Variants in XRCC4 observed in about 807,000 individuals in gnomAD.
The protein encoded by XRCC4 is DNA repair protein XRCC4.
XRCC4 carries 28 observed loss-of-function variants against 39.1 expected under a neutral mutation model. That is an observed-to-expected ratio of 0.72 (90% CI 0.53 to 0.98). XRCC4 has a LOEUF of 0.98. XRCC4 is among the 50% of genes least tolerant of loss of function. The pLI is 0.00. For synonymous variants in XRCC4, 123 were observed against 126.4 expected, an observed-to-expected ratio of 0.97 and a Z score of 0.18; for missense variants, 350 against 376.4, an observed-to-expected ratio of 0.93 and a Z score of 0.58.
chr5:83,355,108 A>G (rs1369088660), downstream of XRCC4, among the ~76,000 whole-genome samples: 2 of 152,048 alleles, frequency 1.3e-5, no homozygotes, highest in African/African-American at 4.8e-5. Context: ...TTGCCTCTCA[A>G]GTAGGCCAGA....
At chr5:83,154,520 A>G (rs1225541474) in intron 3 of XRCC4, among the ~76,000 whole-genome samples, 2 of 152,160 alleles carry the variant, frequency 1.3e-5, no homozygotes, top group African/African-American at 2.4e-5. Flanking sequence ...AGGGATATGC[A>G]ATTTGTATAA....
At chr5:83,374,125 C>T in the XRCC4 span, among the ~76,000 whole-genome samples, 1 of 152,122 alleles carries the variant, frequency 6.6e-6, no homozygotes, top group Non-Finnish European at 1.5e-5. Context: ...TAAGAGGACC[C>T]AGAAGAGGTT....
chr5:83,255,582 G>A (rs59699159), intron 6 of XRCC4, among the ~76,000 whole-genome samples: 9,941 of 152,100 alleles, frequency 0.065, 1,051 homozygotes, highest in African/African-American at 0.22. Context: ...GAGAACATTA[G>A]ACACTTCTCC....
chr5:83,322,133 G>T (rs1356079623), intron 7 of XRCC4, among the ~76,000 whole-genome samples: 1 of 151,666 alleles, frequency 6.6e-6, no homozygotes, highest in Non-Finnish European at 1.5e-5. Flanking sequence ...CTTGTAAATT[G>T]TGTTATCTGA....
intron 6 of XRCC4, among the ~76,000 whole-genome samples, chr5:83,252,395 T>C (rs1753355118): frequency 1.3e-5 from 2 of 151,978 alleles, no homozygotes. Context: ...TACTCTGTGT[T>C]CATAATAGAT....
intron 3 of XRCC4, among the ~76,000 whole-genome samples, chr5:83,146,347 A>G (rs1008037798): frequency 3.3e-5 from 5 of 152,150 alleles, no homozygotes; most frequent in Non-Finnish European, 1.5e-5. Context: ...TCAGGGAAAA[A>G]ACAAGTAATA....
chr5:83,148,418 A>T (rs936532902), intron 3 of XRCC4, among the ~76,000 whole-genome samples: 2 of 152,138 alleles, frequency 1.3e-5, no homozygotes, highest in Non-Finnish European at 2.9e-5. Context: ...CTTCAGTTAA[A>T]TTGTTTATGA....
intron 7 of XRCC4, among the ~76,000 whole-genome samples, chr5:83,347,514 C>G (rs181074175): frequency 1.8e-4 from 27 of 152,206 alleles, no homozygotes; most frequent in Non-Finnish European, 3.5e-4. Context: ...CACTTTTAAA[C>G]AATGAGATCT....
intron 3 of XRCC4, among the ~76,000 whole-genome samples, chr5:83,149,083 T>C (rs1475735229): frequency 6.6e-6 from 1 of 152,184 alleles, no homozygotes; most frequent in African/African-American, 2.4e-5. Context: ...GCTTTAATTA[T>C]CAAATAAATC....
At chr5:83,285,537 A>T (rs1226594599) in intron 7 of XRCC4, among the ~76,000 whole-genome samples, 1 of 152,154 alleles carries the variant, frequency 6.6e-6, no homozygotes, top group Non-Finnish European at 1.5e-5. Context: ...TGGAATCCCT[A>T]TGTAATTATT....
At chr5:83,288,046 G>A (rs1309699592) in intron 7 of XRCC4, among the ~76,000 whole-genome samples, 1 of 151,844 alleles carries the variant, frequency 6.6e-6, no homozygotes, top group Non-Finnish European at 1.5e-5. Flanking sequence ...ATGTTCAGAA[G>A]TATATTAATC....
chr5:83,143,206 GAATT>G lies in XRCC4; in HGVS notation c.315+32005_315+32008del, dbSNP rs1473889665. Among the ~76,000 whole-genome samples the G allele has an allele frequency of 3.3e-5, 5 of 152,236 alleles. No homozygotes were observed. The East Asian group carries it at 9.6e-4, about 29-fold the overall frequency. The stretch of plus-strand genomic sequence containing the variant: ...CTCCAGTGCTGTTTTGATATTTTGA[GAATT>G]AGTTTTGTTATTATTGTATTTTAAT... On this transcript the variant is annotated intron_variant, in intron 3 of 7. Coordinates refer to ENST00000396027, the MANE Select transcript of XRCC4 (RefSeq NM_003401.5).
intron 3 of XRCC4, among the ~76,000 whole-genome samples, chr5:83,156,218 G>A: frequency 6.6e-6 from 1 of 151,266 alleles, no homozygotes; most frequent in East Asian, 1.9e-4. Context: ...TACAATTCGT[G>A]TGCAGTTATT....
intron 7 of XRCC4, among the ~76,000 whole-genome samples, chr5:83,318,305 T>C (rs1471994248): frequency 7.7e-6 from 1 of 130,454 alleles, no homozygotes; most frequent in Non-Finnish European, 1.5e-5. Flanking sequence ...AAGACAGGGA[T>C]GCCCTCTCTC....
intron 7 of XRCC4, among the ~76,000 whole-genome samples, chr5:83,324,856 A>G (rs1580513617): frequency 6.6e-6 from 1 of 152,154 alleles, no homozygotes; most frequent in Non-Finnish European, 1.5e-5. Flanking sequence ...AAATTCAAGA[A>G]CAAAGCCACT....
chr5:83,113,977 A>G (rs546126481), intron 3 of XRCC4, among the ~76,000 whole-genome samples: 108 of 152,348 alleles, frequency 7.1e-4, no homozygotes, highest in Non-Finnish European at 1.2e-3. Context: ...CCAAACCTCA[A>G]TTCTTGGCTT....
rs1050700193 is a variant in XRCC4, at chr5:83,195,587, T to C, written c.316-183T>C. On this transcript the variant is annotated intron_variant, in intron 3 of 7. Transcript: ENST00000396027. Reference sequence around the variant, plus strand: ...TTGGGCTATATGTTGATTTATATGATCAAGTAAGAAACTTTAGGTAGAAGC... The same window carrying C: ...TTGGGCTATATGTTGATTTATATGACCAAGTAAGAAACTTTAGGTAGAAGC... 5.3e-5 allele frequency among the ~76,000 whole-genome samples: 8 copies of C among 152,158 alleles called. No individual in the cohort carries two copies. In the East Asian group the frequency reaches 1.2e-3, roughly 22 times the overall value.
intron 6 of XRCC4, among the ~76,000 whole-genome samples, chr5:83,240,814 A>G (rs1752878163): frequency 6.6e-6 from 1 of 152,214 alleles, no homozygotes; most frequent in Non-Finnish European, 1.5e-5. Context: ...GGAAGAAGAA[A>G]GATTGTATTT....
intron 6 of XRCC4, among the ~76,000 whole-genome samples, chr5:83,223,276 A>G (rs1333696190): frequency 6.6e-6 from 1 of 152,036 alleles, no homozygotes; most frequent in Non-Finnish European, 1.5e-5. Flanking sequence ...GTTCCCTATT[A>G]TTATCATATT....
Sources: allele counts gnomAD v4.1 joint callset (sites outside exome capture counted in the v4.1 genomes callset), GRCh38; gene constraint gnomAD v4.1.1; transcripts MANE v1.5; gene names NCBI Gene and HGNC (gene_info 2026-07-23, HGNC 2026-07-21).